The following AGAP1 variants were observed in gnomAD, a reference collection of about 807,000 sequenced individuals.
The protein encoded by AGAP1 is arf-GAP with GTPase, ANK repeat and PH domain-containing protein 1.
A neutral mutation model predicts 105.3 loss-of-function variants in AGAP1; 29 were observed. That is an observed-to-expected ratio of 0.28 (90% CI 0.21 to 0.38). The LOEUF (loss-of-function observed/expected upper bound fraction) is 0.38, where lower values mean the gene tolerates loss of function less well. Ranked by LOEUF, AGAP1 falls within the 10% of genes least tolerant of loss-of-function variation. The pLI is 1.00. For missense variants in AGAP1, 998 were observed against 1,165.1 expected, an observed-to-expected ratio of 0.86 and a Z score of 2.09; for synonymous variants, 509 against 485.9, an observed-to-expected ratio of 1.05 and a Z score of -0.63.
chr2:235,813,904 TGGTCTTACCCTGGAGTCG>T (rs1223637621), intron 9 of AGAP1, among the ~76,000 whole-genome samples: 1 of 152,132 alleles, frequency 6.6e-6, no homozygotes, highest in Admixed American at 6.5e-5. Flanking sequence ...AGTGGGAAGG[TGGTCTTACCCTGGAGTCG>T]GGCCACTCAG....
At chr2:235,645,502 A>G (rs1947342870) in intron 1 of AGAP1, among the ~76,000 whole-genome samples, 1 of 152,200 alleles carries the variant, frequency 6.6e-6, no homozygotes, top group Non-Finnish European at 1.5e-5. Flanking sequence ...TAGGTTGGAA[A>G]GAGATGCTTC....
intron 9 of AGAP1, among the ~76,000 whole-genome samples, chr2:235,858,275 A>C (rs1364061748): frequency 6.6e-6 from 1 of 152,240 alleles, no homozygotes; most frequent in African/African-American, 2.4e-5. Context: ...TGGTAGCGTT[A>C]GTTAAAAAAT....
chr2:235,789,605 A>G lies in AGAP1; in HGVS notation c.674-8154A>G, dbSNP rs1956854468. ...GCTTTTTAACCACAGCCTATTTTAGATTAGAGGGTTGTTTGCTCAAAAAAA... is the reference window on the plus strand; with the variant it reads ...GCTTTTTAACCACAGCCTATTTTAGGTTAGAGGGTTGTTTGCTCAAAAAAA... On this transcript the variant is annotated intron_variant, in intron 6 of 17. Coordinates refer to ENST00000304032, the MANE Select transcript of AGAP1 (RefSeq NM_001037131.3). The surrounding 1 kb of genome is among the most constrained non-coding windows in gnomAD (Gnocchi z 4.2). 6.6e-6 allele frequency among the ~76,000 whole-genome samples: 1 copy of G among 151,942 alleles called. No homozygotes were observed. The highest frequency in any genetic ancestry group is 6.5e-5 in the Admixed American group (1 of 15,272).
rs562913167 is a variant in AGAP1, at chr2:235,978,708, C to T, written c.1645+10085C>T. On this transcript the variant is annotated intron_variant, in intron 13 of 17. Transcript: ENST00000304032. ...AGGAGAGCCTTCTGCAGGCCTCTTA[C>T]TCTCAATCCTGTGGCTCTCAGAGTT... Among the ~76,000 whole-genome samples the T allele has an allele frequency of 3.3e-5, 5 of 152,294 alleles. No individual in the cohort carries two copies. The East Asian group carries it at 7.7e-4, about 24-fold the overall frequency.
At chr2:235,920,489 C>T (rs2052128441) in intron 11 of AGAP1, among the ~76,000 whole-genome samples, 1 of 152,092 alleles carries the variant, frequency 6.6e-6, no homozygotes, top group African/African-American at 2.4e-5. Context: ...TAAACTGTAC[C>T]TCTGACAACA....
At chr2:235,803,135 G>T (rs1396501217) in intron 8 of AGAP1, among the ~76,000 whole-genome samples, 4 of 150,184 alleles carry the variant, frequency 2.7e-5, no homozygotes, top group South Asian at 4.2e-4. Context: ...TGGTTGTGGT[G>T]ATGGTGATGG....
At chr2:235,840,182 A>G (rs1319136579) in intron 9 of AGAP1, among the ~76,000 whole-genome samples, 2 of 152,088 alleles carry the variant, frequency 1.3e-5, no homozygotes, top group Admixed American at 6.5e-5. Context: ...CCTGTTGACA[A>G]CCAGTCTTTC....
chr2:235,861,957 C>T (rs924602671), intron 9 of AGAP1, among the ~76,000 whole-genome samples: 2 of 152,220 alleles, frequency 1.3e-5, no homozygotes, highest in African/African-American at 4.8e-5. Flanking sequence ...GGGGACCCTG[C>T]CCCGTGGGGT....
chr2:235,952,763 G>C (rs10196081), intron 12 of AGAP1, among the ~76,000 whole-genome samples: 13,787 of 152,122 alleles, frequency 0.091, 1,415 homozygotes, highest in African/African-American at 0.25. Context: ...CCATCAAGAT[G>C]GTGTCCCTCG....
rs1289136451 is a variant in AGAP1 at position 236,126,059 on chromosome 2, G to GA, written c.*1944dup. 1.3e-5 allele frequency: 2 copies of GA among 151,988 alleles called. No homozygotes were observed. The highest frequency in any genetic ancestry group is 2.9e-5 in the Non-Finnish European group (2 of 68,004). The allele number at this position is 151,988 out of a possible 1,614,324, so 9.4% of individuals were successfully genotyped here. ...TTTAAAAAAAATTAAAGTAGGTGGG[G>GA]AAAAAAATAAAGCTTTACACAGAAT... On this transcript the variant is annotated 3_prime_UTR_variant, in exon 18 of 18. Transcript: ENST00000304032.
At chr2:235,933,254 A>G (rs957718688) in intron 12 of AGAP1, among the ~76,000 whole-genome samples, 18 of 152,226 alleles carry the variant, frequency 1.2e-4, no homozygotes, top group African/African-American at 2.7e-4. Flanking sequence ...TATTATAAGC[A>G]TTGGGGCACT....
intron 1 of AGAP1, among the ~76,000 whole-genome samples, chr2:235,658,954 C>G (rs868847028): frequency 6.6e-6 from 1 of 152,146 alleles, no homozygotes; most frequent in South Asian, 2.1e-4. Flanking sequence ...TCTCTCTGCC[C>G]TCCCTCCTCC....
rs1323812468 is a variant in AGAP1, at chr2:235,889,350, C to T, written c.1155+5901C>T. 6.6e-6 allele frequency among the ~76,000 whole-genome samples: 1 copy of T among 152,064 alleles called. No individual in the cohort carries two copies. Among genetic ancestry groups the T allele is most frequent in the African/African-American group, 2.4e-5 (1 of 41,372 alleles). Reference sequence around the variant, plus strand: ...GGCTGAAAATGTACCTAGAATGGGTCGGCTGCCTGGGAACCTCACGAATAC... The same window carrying T: ...GGCTGAAAATGTACCTAGAATGGGTTGGCTGCCTGGGAACCTCACGAATAC... On this transcript the variant is annotated intron_variant, in intron 10 of 17. Coordinates refer to ENST00000304032, the MANE Select transcript of AGAP1 (RefSeq NM_001037131.3). This position sits in a 1 kb window ranked among gnomAD's most constrained non-coding sequence, Gnocchi z 4.6.
intron 16 of AGAP1, among the ~76,000 whole-genome samples, chr2:236,094,965 G>A (rs1357182795): frequency 1.3e-5 from 2 of 151,102 alleles, no homozygotes; most frequent in African/African-American, 4.9e-5. Context: ...CTGGTGCAGC[G>A]GCGCATGCCT....
At chr2:235,812,235 G>A (rs562042246) in intron 9 of AGAP1, among the ~76,000 whole-genome samples, 1 of 152,258 alleles carries the variant, frequency 6.6e-6, no homozygotes, top group East Asian at 1.9e-4. Context: ...GGAGTCAGCT[G>A]TGAGAGCAGT....
intron 11 of AGAP1, among the ~76,000 whole-genome samples, chr2:235,923,136 A>G (rs917092693): frequency 2.6e-5 from 4 of 152,212 alleles, no homozygotes; most frequent in Admixed American, 1.3e-4. Flanking sequence ...AGAATGGGCC[A>G]TGTCGTCAGT....
At chr2:235,541,050 C>T (rs1296476451) in intron 1 of AGAP1, among the ~76,000 whole-genome samples, 1 of 152,162 alleles carries the variant, frequency 6.6e-6, no homozygotes, top group Non-Finnish European at 1.5e-5. Context: ...AAAAGTAACT[C>T]TAGCGAATGA....
Position 235,574,848 on chromosome 2 carries a change from C to T in AGAP1, c.163+79999C>T, listed in dbSNP as rs765778079. 3.9e-5 allele frequency among the ~76,000 whole-genome samples: 6 copies of T among 152,128 alleles called. No homozygotes were observed. The highest frequency in any genetic ancestry group is 1.4e-4 in the African/African-American group (6 of 41,438). On this transcript the variant is annotated intron_variant, in intron 1 of 17. Coordinates refer to ENST00000304032, the MANE Select transcript of AGAP1 (RefSeq NM_001037131.3). The surrounding 1 kb of genome is among the most constrained non-coding windows in gnomAD (Gnocchi z 5.0). ...GAATCTAAACTTTGTTGAGGCTGGGCGCAGTGGAGCACGCGTGTAATTCTA... is the reference window on the plus strand; with the variant it reads ...GAATCTAAACTTTGTTGAGGCTGGGTGCAGTGGAGCACGCGTGTAATTCTA...
At chr2:235,518,903 G>C (rs1942506678) in intron 1 of AGAP1, among the ~76,000 whole-genome samples, 1 of 152,204 alleles carries the variant, frequency 6.6e-6, no homozygotes, top group African/African-American at 2.4e-5. Flanking sequence ...AGAGTCTCCT[G>C]TCCTTGGGCC....
Sources: allele counts gnomAD v4.1 joint callset (sites outside exome capture counted in the v4.1 genomes callset), GRCh38; gene constraint gnomAD v4.1.1; non-coding constraint Gnocchi (gnomAD v3.1); transcripts MANE v1.5; gene names NCBI Gene and HGNC (gene_info 2026-07-23, HGNC 2026-07-21).